Variants in MAP3K15 observed in about 807,000 individuals in gnomAD.
MAP3K15 encodes MAPK/ERK kinase kinase 15.
In MAP3K15, 124 loss-of-function variants were observed where a neutral mutation model predicts 99.5. That is an observed-to-expected ratio of 1.25 (90% CI 1.08 to 1.45). The LOEUF is 1.45. Ranked by LOEUF, MAP3K15 falls within the 40% of genes most tolerant of loss-of-function variation. The pLI is 0.00. For synonymous variants in MAP3K15, 494 were observed against 439.6 expected (o/e 1.12, Z -1.55); for missense variants, 1,242 against 1,079.7 (o/e 1.15, Z -2.11).
At chrX:19,513,907 T>C (rs1201025493) in intron 1 of MAP3K15, among the ~76,000 whole-genome samples, 1 of 110,027 alleles carries the variant, frequency 9.1e-6, no homozygotes, top group African/African-American at 3.3e-5. Context: ...AGTACGCTTC[T>C]TAAGGCTGGA....
intron 9 of MAP3K15, among the ~76,000 whole-genome samples, chrX:19,417,669 C>A (rs4262472): frequency 0.07 from 7,828 of 111,519 alleles, 685 homozygotes; most frequent in African/African-American, 0.24. Context: ...TTAAATGTCC[C>A]GGTCTGACAG....
intron 2 of MAP3K15, among the ~76,000 whole-genome samples, chrX:19,486,997 T>C (rs994526332): frequency 1.7e-4 from 19 of 110,138 alleles, no homozygotes; most frequent in African/African-American, 6.3e-4. Context: ...GTGTTGGTAG[T>C]AGAATTCCTG....
At chrX:19,406,863 G>A (rs1041365419) in intron 13 of MAP3K15, among the ~76,000 whole-genome samples, 25 of 111,557 alleles carry the variant, frequency 2.2e-4, no homozygotes, top group African/African-American at 4.6e-4. Flanking sequence ...CACCACACCC[G>A]GCTAATTTTG....
intron 9 of MAP3K15, among the ~76,000 whole-genome samples, chrX:19,422,561 C>G (rs890518234): frequency 1.8e-5 from 2 of 111,725 alleles, no homozygotes; most frequent in African/African-American, 6.5e-5. Context: ...GAAATAGGAA[C>G]ACTTTTACAC....
At chrX:19,429,482 G>A (rs1474306494) in intron 7 of MAP3K15, among the ~76,000 whole-genome samples, 5 of 110,301 alleles carry the variant, frequency 4.5e-5, no homozygotes, top group African/African-American at 1.6e-4. Context: ...ACCTAGGAGG[G>A]TAGAGAATAG....
chrX:19,423,187 G>C (rs1183954535), intron 9 of MAP3K15, among the ~76,000 whole-genome samples: 1 of 108,768 alleles, frequency 9.2e-6, no homozygotes, highest in South Asian at 3.9e-4. Flanking sequence ...AAGAAAAAAA[G>C]AAAAAAAAGA....
intron 18 of MAP3K15, among the ~76,000 whole-genome samples, chrX:19,386,140 T>C (rs2063492516): frequency 8.9e-6 from 1 of 111,791 alleles, no homozygotes; most frequent in African/African-American, 3.3e-5. Flanking sequence ...GCACAAATCC[T>C]GGAAAATTGG....
Position 19,462,023 on chromosome X carries a change from A to G in MAP3K15, c.720-1870T>C, listed in dbSNP as rs1233967584. Among the ~76,000 whole-genome samples, 5 of 105,836 alleles carry G rather than the reference A, an allele frequency of 4.7e-5. No individual in the cohort carries two copies. The East Asian group carries it at 1.5e-3, about 31-fold the overall frequency. The allele number at this position is 105,836 out of a possible 115,157, so 91.9% of individuals were successfully genotyped here. A position where few individuals can be genotyped will look rare whatever the true frequency, so the allele number is the denominator to read the frequency against. On this transcript the variant is annotated intron_variant, in intron 4 of 28. Transcript: ENST00000338883. ...CACACACACACACACACACACACAC[A>G]CACACACACACACACAAAACAAAGC... is the stretch of plus-strand genomic sequence containing the variant.
intron 2 of MAP3K15, 29 bp downstream of exon 2, chrX:19,488,799 G>A (rs747688031): frequency 2.6e-5 from 30 of 1,170,269 alleles, no homozygotes; most frequent in Non-Finnish European, 3.1e-5. Flanking sequence ...CCAAAACAAA[G>A]TACTCAGGAG....
rs777947449 is a variant in MAP3K15, at chrX:19,399,739, C to CAAAA, written c.1932+833_1932+836dup. Among the ~76,000 whole-genome samples the CAAAA allele has an allele frequency of 1.0e-3, 36 of 35,487 alleles. 1 individual carries two copies. The highest frequency in any genetic ancestry group is 2.1e-3 in the African/African-American group (32 of 15,097). 30.8% of individuals were successfully genotyped at this position (35,487 alleles called of 115,157 possible). On this transcript the variant is annotated intron_variant, in intron 14 of 28. Transcript: ENST00000338883. ...CAGCAACAGCGTGAGACTCTGTTTC[C>CAAAA]AAAAAAAAAAAAAAAAAAAAAAAAA...
chrX:19,367,039 A>G (rs184533429), intron 25 of MAP3K15, among the ~76,000 whole-genome samples: 18 of 112,346 alleles, frequency 1.6e-4, no homozygotes, highest in Non-Finnish European at 2.4e-4. Flanking sequence ...ACATGCACAT[A>G]TATGTTCATT....
At chrX:19,450,390 A>C (rs1299735426) in intron 6 of MAP3K15, among the ~76,000 whole-genome samples, 2 of 109,058 alleles carry the variant, frequency 1.8e-5, no homozygotes, top group African/African-American at 6.6e-5. Flanking sequence ...AAAATAAAGA[A>C]AGCTGGCAAT....
At chrX:19,459,616 G>A (rs754455697) in intron 5 of MAP3K15, among the ~76,000 whole-genome samples, 1 of 112,467 alleles carries the variant, frequency 8.9e-6, no homozygotes, top group East Asian at 2.8e-4. Context: ...TTGGGAGGCC[G>A]AGGCGGGTGG....
intron 19 of MAP3K15, among the ~76,000 whole-genome samples, chrX:19,378,180 T>C (rs1016651005): frequency 3.6e-5 from 4 of 112,522 alleles, no homozygotes; most frequent in African/African-American, 1.3e-4. Flanking sequence ...AAGACGCCTC[T>C]GGAATCGCGT....
chrX:19,364,548 C>T (rs1312468153), intron 25 of MAP3K15, among the ~76,000 whole-genome samples: 2 of 111,470 alleles, frequency 1.8e-5, no homozygotes, highest in Non-Finnish European at 3.8e-5. Flanking sequence ...AAGCCAGCCA[C>T]AAAACCTAAA....
chrX:19,479,413 G>C (rs142202927), intron 3 of MAP3K15, among the ~76,000 whole-genome samples: 1 of 111,131 alleles, frequency 9.0e-6, no homozygotes, highest in Non-Finnish European at 1.9e-5. Context: ...AGCTGTCATT[G>C]AGCCTGCATC....
At chrX:19,513,119 C>A (rs1210562241) in intron 1 of MAP3K15, among the ~76,000 whole-genome samples, 3 of 111,506 alleles carry the variant, frequency 2.7e-5, no homozygotes, top group African/African-American at 9.8e-5. Flanking sequence ...GTGGTACAGC[C>A]CAACATTCTA....
chrX:19,375,064 C>T (rs2063407774), intron 19 of MAP3K15, among the ~76,000 whole-genome samples: 1 of 112,249 alleles, frequency 8.9e-6, no homozygotes, highest in Non-Finnish European at 1.9e-5. Flanking sequence ...CCACCCTGCT[C>T]CCCCAAACCA....
At chrX:19,443,404 G>A (rs768806498) in intron 6 of MAP3K15, among the ~76,000 whole-genome samples, 1 of 111,464 alleles carries the variant, frequency 9.0e-6, no homozygotes, top group South Asian at 3.8e-4. Flanking sequence ...GCTATATCAC[G>A]GCCTAGTATA....
Sources: gnomAD v4.1 joint callset for allele counts (sites outside exome capture counted in the v4.1 genomes callset) on GRCh38, gnomAD v4.1.1 for gene constraint, MANE v1.5 for transcripts, NCBI Gene and HGNC (gene_info 2026-07-23, HGNC 2026-07-21) for gene names.